The following ASPSCR1 variants were observed in gnomAD, a reference collection of about 807,000 sequenced individuals.
ASPSCR1 encodes tether containing UBX domain for GLUT4.
ASPSCR1 carries 55 observed loss-of-function variants against 68.9 expected under a neutral mutation model. The ratio of observed to expected loss-of-function variants is 0.80; its 90% CI spans 0.64 to 1.00. The LOEUF is 1.00. Among genes scored for constraint, ASPSCR1 ranks in the 50% least tolerant of loss-of-function variants. ASPSCR1 has a pLI of 0.00. For missense variants in ASPSCR1, 765 were observed against 762.2 expected, an observed-to-expected ratio of 1.00 and a Z score of -0.04; for synonymous variants, 352 against 332.6, an observed-to-expected ratio of 1.06 and a Z score of -0.63.
chr17:82,016,680 C>T, intron 13 of ASPSCR1, 120 bp from the exon 14 acceptor site: 1 of 1,442,964 alleles, frequency 6.9e-7, no homozygotes, highest in Non-Finnish European at 9.4e-7. Flanking sequence ...CGAGAGAGGA[C>T]TGGGACAGCC....
chr17:81,994,044 A>G (rs189675387), intron 4 of ASPSCR1, among the ~76,000 whole-genome samples: 4 of 152,370 alleles, frequency 2.6e-5, no homozygotes, highest in Admixed American at 6.5e-5. Context: ...TTGGAAACGC[A>G]GAGGCAAGCC....
chr17:82,003,888 T>C (rs906491136), intron 7 of ASPSCR1, among the ~76,000 whole-genome samples: 1 of 152,220 alleles, frequency 6.6e-6, no homozygotes, highest in Non-Finnish European at 1.5e-5. Context: ...TTGGCCCGTG[T>C]CTGGCGTAGT....
Position 81,999,643 on chromosome 17 carries a change from A to G in ASPSCR1, c.933+2797A>G, listed in dbSNP as rs1267579012. 6.6e-6 allele frequency among the ~76,000 whole-genome samples: 1 copy of G among 151,568 alleles called. No homozygotes were observed. Among genetic ancestry groups the G allele is most frequent in the Non-Finnish European group, 1.5e-5 (1 of 67,864 alleles). ...CTCCATCTCAAAAAAAAAAAAAAAA[A>G]AGAAAACAAGAAGTGGCCAGGAGGG... On this transcript the variant is annotated intron_variant, in intron 7 of 15. Transcript: ENST00000306739. The surrounding 1 kb of genome is among the most constrained non-coding windows in gnomAD (Gnocchi z 4.4).
At chr17:81,992,122 G>A (rs573421076) in intron 4 of ASPSCR1, among the ~76,000 whole-genome samples, 1 of 152,242 alleles carries the variant, frequency 6.6e-6, no homozygotes, top group African/African-American at 2.4e-5. Flanking sequence ...GCGCCCCAAA[G>A]CACTTCTTGC....
At chr17:82,015,486 C>T in intron 12 of ASPSCR1, 1 of 1,236,140 alleles carries the variant, frequency 8.1e-7, no homozygotes, top group Non-Finnish European at 1.1e-6. Context: ...TCTGTGCGTC[C>T]CGTGGGGCAG....
At chr17:82,014,278 C>T (rs1167447170) in intron 12 of ASPSCR1, 1 of 152,576 alleles carries the variant, frequency 6.6e-6, no homozygotes, top group Non-Finnish European at 1.5e-5. Flanking sequence ...GCCGGGGCCT[C>T]TCTGGGACCA....
At chr17:81,992,961 G>A (rs931597231) in intron 4 of ASPSCR1, among the ~76,000 whole-genome samples, 2 of 152,200 alleles carry the variant, frequency 1.3e-5, no homozygotes, top group Admixed American at 1.3e-4. Context: ...CTAAGTCCAC[G>A]ACCCTGTGGG....
intron 2 of ASPSCR1, among the ~76,000 whole-genome samples, chr17:81,980,763 A>G (rs1004017062): frequency 6.6e-6 from 1 of 152,192 alleles, no homozygotes; most frequent in African/African-American, 2.4e-5. Context: ...AGTATTCATG[A>G]AAGGAGAACT....
chr17:82,014,842 C>T, intron 12 of ASPSCR1: 1 of 593,352 alleles, frequency 1.7e-6, no homozygotes, highest in Non-Finnish European at 3.0e-6. Context: ...TTTGGGGCCC[C>T]AGTGTCCTGG....
At position 81,987,280 on chromosome 17, in the gene ASPSCR1, A is replaced by T. The variant is rs894552871; in HGVS notation, c.374+1673A>T. Among the ~76,000 whole-genome samples, 4 of 152,198 alleles carry T rather than the reference A, an allele frequency of 2.6e-5. No individual in the cohort carries two copies. The highest frequency in any genetic ancestry group is 5.9e-5 in the Non-Finnish European group (4 of 68,026). ...AGTGGCGCCGGGCAGGGAGGCAGGC[A>T]GCCCCAGGCGCTGTGTGGGCACTGG... On this transcript the variant is annotated intron_variant, in intron 4 of 15. Transcript: ENST00000306739. This position sits in a 1 kb window ranked among gnomAD's most constrained non-coding sequence, Gnocchi z 5.6.
In ASPSCR1 at chr17:81,983,090, C is replaced by T. The variant is rs796183618; in HGVS notation, c.159-464C>T. ...AACTCCTGAACCTCAGGTGATCCGCCTGCCTCGGCCTCCGAAAGTGCTGGG... is the reference window on the plus strand; with the variant it reads ...AACTCCTGAACCTCAGGTGATCCGCTTGCCTCGGCCTCCGAAAGTGCTGGG... On this transcript the variant is annotated intron_variant, in intron 2 of 15. Coordinates refer to ENST00000306739, the MANE Select transcript of ASPSCR1 (RefSeq NM_024083.4). The surrounding 1 kb of genome is among the most constrained non-coding windows in gnomAD (Gnocchi z 4.4). Among the ~76,000 whole-genome samples the T allele has an allele frequency of 5.6e-4, 85 of 152,356 alleles. No individual in the cohort carries two copies. The highest frequency in any genetic ancestry group is 1.9e-3 in the African/African-American group (78 of 41,582).
Position 82,009,124 on chromosome 17 carries a change from C to T in ASPSCR1, c.1021C>T (p.Pro341Ser). 2 of 1,606,402 alleles carry T rather than the reference C, an allele frequency of 1.2e-6. No individual in the cohort carries two copies. The highest frequency in any genetic ancestry group is 1.7e-6 in the Non-Finnish European group (2 of 1,177,066). ...ERLQAWPAEL[P>S]DEFFELTVDD... ...GCTGCAGGCCTGGCCAGCGGAGCTG[C>T]CTGATGAGTTCTTTGAGCTGACGGT... is the stretch of plus-strand genomic sequence containing the variant. Residue 341 changes from proline to serine, a missense_variant, in exon 8 of 16, where the codon CCT becomes TCT. Physicochemically the swap from Pro to Ser is moderately conservative, Grantham distance 74. Coordinates refer to ENST00000306739, the MANE Select transcript of ASPSCR1 (RefSeq NM_024083.4).
Position 81,996,611 on chromosome 17 carries a change from G to C in ASPSCR1, c.698G>C (p.Ser233Thr). 1 of 1,611,786 alleles carries C rather than the reference G, an allele frequency of 6.2e-7. No individual in the cohort carries two copies. The highest frequency in any genetic ancestry group is 1.1e-5 in the South Asian group (1 of 91,008). Residue 233 changes from serine (S) to threonine (T), a missense_variant, in exon 7 of 16, where the codon AGC becomes ACC. By Grantham distance (58) the Ser-to-Thr change is moderately conservative (BLOSUM62 1). Coordinates refer to ENST00000306739, the MANE Select transcript of ASPSCR1 (RefSeq NM_024083.4). ...PCCEHTQEKQ[S>T]TRAPAAAPFV... The stretch of plus-strand genomic sequence containing the variant: ...TGCGAGCACACTCAGGAGAAGCAGA[G>C]CACAAGGGCACCCGCAGCTGCCCCC...
chr17:82,011,532 C>T lies in ASPSCR1; in HGVS notation c.1238-11C>T, dbSNP rs762100613. On this transcript the variant is annotated splice_polypyrimidine_tract_variant and intron_variant, in intron 10 of 15. Transcript: ENST00000306739. ...GAAGAGCTGTCTGTATGTTCTTTTT[C>T]TCCTCTGCAGTGGGGGACTTGCGAG... 16 of 1,576,474 alleles carry T rather than the reference C, an allele frequency of 1.0e-5. No homozygotes were observed. The South Asian group carries it at 1.6e-4, about 16-fold the overall frequency.
chr17:82,017,064 G>T lies in ASPSCR1; in HGVS notation c.1599G>T (p.Gln533His). 2 of 1,609,408 alleles carry T rather than the reference G, an allele frequency of 1.2e-6. No individual in the cohort carries two copies. The highest frequency in any genetic ancestry group is 8.5e-7 in the Non-Finnish European group (1 of 1,179,024). Reference protein sequence around the residue: ...VPPEPIPGTAQPVKRSLGKVP... With the variant: ...VPPEPIPGTAHPVKRSLGKVP... Reference sequence around the variant, plus strand: ...CTGAGCCCATCCCAGGGACGGCCCAGCCCGTGAAGAGGAGCCTGGGCAAGG... The same window carrying T: ...CTGAGCCCATCCCAGGGACGGCCCATCCCGTGAAGAGGAGCCTGGGCAAGG... The change falls in exon 15 of 16, where the codon CAG becomes CAT. Residue 533 changes from glutamine (Q) to histidine (H), a missense_variant. Physicochemically the swap from Gln to His is conservative, Grantham distance 24. Coordinates refer to ENST00000306739, the MANE Select transcript of ASPSCR1 (RefSeq NM_024083.4).
chr17:82,011,961 T>A (rs887780623), intron 11 of ASPSCR1: 1 of 615,132 alleles, frequency 1.6e-6, no homozygotes, highest in Non-Finnish European at 2.9e-6. Context: ...CCTTGGAGGG[T>A]GTCTAGGTGG....
intron 9 of ASPSCR1, among the ~76,000 whole-genome samples, chr17:82,010,381 TAGTC>T (rs766708030): frequency 1.9e-4 from 28 of 150,930 alleles, no homozygotes; most frequent in South Asian, 8.4e-4. Context: ...TACAAAAAAT[TAGTC>T]AGGAGAGGTG....
intron 3 of ASPSCR1, among the ~76,000 whole-genome samples, chr17:81,984,939 GCACACACCCGCACACACCC>G (rs546983703): frequency 0.035 from 1,827 of 52,206 alleles, 11 homozygotes; most frequent in East Asian, 0.053. Context: ...CCCCACACCC[GCACACACCCGCACACACCC>G]CACACACCTG....
rs1598427541 is a variant in ASPSCR1 at position 82,008,887 on chromosome 17, C to G, written c.934-150C>G. On this transcript the variant is annotated intron_variant, in intron 7 of 15. Coordinates refer to ENST00000306739, the MANE Select transcript of ASPSCR1 (RefSeq NM_024083.4). The stretch of plus-strand genomic sequence containing the variant: ...GCTGTGCCCAGCCCTGCCCCCAGGA[C>G]CTGGCCTTGGCCCTGCGCTGGCCGG... 5 of 1,136,938 alleles carry G rather than the reference C, an allele frequency of 4.4e-6. No individual in the cohort carries two copies. The East Asian group carries it at 1.5e-4, about 34-fold the overall frequency. The allele number at this position is 1,136,938 out of a possible 1,614,324, so 70.4% of individuals were successfully genotyped here.
Sources: allele counts gnomAD v4.1 joint callset (sites outside exome capture counted in the v4.1 genomes callset), GRCh38; gene constraint gnomAD v4.1.1; non-coding constraint Gnocchi (gnomAD v3.1); transcripts MANE v1.5; gene names NCBI Gene and HGNC (gene_info 2026-07-23, HGNC 2026-07-21).